SCTR: variants seen among roughly 807,000 people sequenced by gnomAD.
SCTR encodes the protein pancreatic secretin receptor.
SCTR carries 56 observed loss-of-function variants against 60.8 expected under a neutral mutation model. The observed-to-expected ratio is 0.92, with a 90% confidence interval of 0.74 to 1.15. The LOEUF is 1.15. Among genes scored for constraint, SCTR ranks in the 50% most tolerant of loss-of-function variants. SCTR has a pLI of 0.00. For missense variants in SCTR, 562 were observed against 550.4 expected, an observed-to-expected ratio of 1.02 and a Z score of -0.21; for synonymous variants, 202 against 217.0, an observed-to-expected ratio of 0.93 and a Z score of 0.61.
intron 1 of SCTR, among the ~76,000 whole-genome samples, chr2:119,504,177 A>T (rs1378152723): frequency 6.6e-6 from 1 of 152,244 alleles, no homozygotes; most frequent in Non-Finnish European, 1.5e-5. Flanking sequence ...TCTTTTCAAC[A>T]AATGGTGTTG....
rs1263899377 is a variant in SCTR, at chr2:119,464,112, A to G, written c.636+11T>C. ...GGCCTGGCGACATCCTGGGGCACCC[A>G]GACATATTACCCTGTGGGCATCGCA... On this transcript the variant is annotated intron_variant, in intron 6 of 12. Coordinates refer to ENST00000019103, the MANE Select transcript of SCTR (RefSeq NM_002980.3). 1 of 1,614,006 alleles carries G rather than the reference A, an allele frequency of 6.2e-7. No homozygotes were observed. The highest frequency in any genetic ancestry group is 8.5e-7 in the Non-Finnish European group (1 of 1,179,978).
At chr2:119,500,552 T>C (rs960991737) in intron 1 of SCTR, among the ~76,000 whole-genome samples, 3 of 152,162 alleles carry the variant, frequency 2.0e-5, no homozygotes, top group Non-Finnish European at 4.4e-5. Flanking sequence ...TAAAAATCAA[T>C]GAAATCCTGT....
Position 119,473,465 on chromosome 2 carries a change from G to A in SCTR, c.393C>T (p.Ser131=), listed in dbSNP as rs773781559. Residue 131 remains serine, a synonymous_variant, in exon 4 of 13, where the codon TCC becomes TCT. Coordinates refer to ENST00000019103, the MANE Select transcript of SCTR (RefSeq NM_002980.3). ...LACGVNVNDS[S]NEKRHSYLLK... The stretch of plus-strand genomic sequence containing the variant: ...TTGACAGGCTTACCCGCTTCTCGTT[G>A]GAAGAGTCGTTCACATTAACGCCAC... The A allele has an allele frequency of 1.9e-6, 3 of 1,611,838 alleles. No homozygotes were observed. The African/African-American group carries it at 4.0e-5, about 22-fold the overall frequency.
intron 1 of SCTR, among the ~76,000 whole-genome samples, chr2:119,509,020 A>G (rs537727293): frequency 3.9e-5 from 6 of 152,372 alleles, no homozygotes; most frequent in East Asian, 1.9e-4. Context: ...TCAACGCCCT[A>G]TGGGGTTTAT....
chr2:119,503,891 G>A (rs928744505), intron 1 of SCTR, among the ~76,000 whole-genome samples: 9 of 152,132 alleles, frequency 5.9e-5, no homozygotes, highest in African/African-American at 2.2e-4. Flanking sequence ...AGGAGGGATT[G>A]AAGGGGTATA....
chr2:119,489,874 C>T (rs1678046510), intron 2 of SCTR, among the ~76,000 whole-genome samples: 1 of 152,206 alleles, frequency 6.6e-6, no homozygotes, highest in South Asian at 2.1e-4. Context: ...ACATTTTAAA[C>T]ACATGTTATG....
At chr2:119,468,685 T>C (rs541330484) in intron 4 of SCTR, among the ~76,000 whole-genome samples, 97 of 152,364 alleles carry the variant, frequency 6.4e-4, no homozygotes, top group Middle Eastern at 3.4e-3. Context: ...ATTAGCTTTA[T>C]TCTCAGTTAC....
At chr2:119,500,590 A>T (rs1678509530) in intron 1 of SCTR, among the ~76,000 whole-genome samples, 1 of 152,254 alleles carries the variant, frequency 6.6e-6, no homozygotes, top group African/African-American at 2.4e-5. Context: ...TTGGAAATGG[A>T]GGTCATTATG....
chr2:119,497,829 C>A (rs986991327), intron 1 of SCTR, among the ~76,000 whole-genome samples: 16 of 151,986 alleles, frequency 1.1e-4, no homozygotes, highest in African/African-American at 3.9e-4. Flanking sequence ...ACAACCTGAA[C>A]AACAGAGAGA....
intron 1 of SCTR, among the ~76,000 whole-genome samples, chr2:119,522,301 G>GAAAAAA (rs797004076): frequency 1.6e-5 from 2 of 123,748 alleles, no homozygotes; most frequent in Non-Finnish European, 3.5e-5. Flanking sequence ...TGTCTCAAAA[G>GAAAAAA]AAAAAAAAAA....
intron 1 of SCTR, among the ~76,000 whole-genome samples, chr2:119,496,206 G>A (rs1172907362): frequency 6.6e-6 from 1 of 152,212 alleles, no homozygotes; most frequent in East Asian, 1.9e-4. Context: ...TTAGTTCACT[G>A]GTCAGCACAC....
chr2:119,510,286 T>C (rs947593696), intron 1 of SCTR, among the ~76,000 whole-genome samples: 7 of 152,108 alleles, frequency 4.6e-5, no homozygotes, highest in Admixed American at 3.3e-4. Context: ...CAAGCCAAGA[T>C]AATGTGGGGG....
intron 2 of SCTR, among the ~76,000 whole-genome samples, chr2:119,482,717 A>G (rs1677681811): frequency 6.6e-6 from 1 of 152,152 alleles, no homozygotes; most frequent in South Asian, 2.1e-4. Flanking sequence ...TCGGGAACTC[A>G]GCAGGCCTGC....
chr2:119,495,120 CA>C (rs1678295786), intron 1 of SCTR, among the ~76,000 whole-genome samples: 1 of 151,978 alleles, frequency 6.6e-6, no homozygotes, highest in Non-Finnish European at 1.5e-5. Flanking sequence ...TTTACACACA[CA>C]CACACACAAA....
chr2:119,521,294 TCTTC>T (rs890603597), intron 1 of SCTR, among the ~76,000 whole-genome samples: 1 of 152,230 alleles, frequency 6.6e-6, no homozygotes, highest in African/African-American at 2.4e-5. Flanking sequence ...AAGAGGTGAT[TCTTC>T]CTTATTTGTT....
chr2:119,523,983 T>G (rs1248449839), intron 1 of SCTR, among the ~76,000 whole-genome samples, 172 bp downstream of exon 1: 2 of 152,046 alleles, frequency 1.3e-5, no homozygotes. Context: ...AAAGGGTCCC[T>G]CCGGAGAAGA....
chr2:119,486,462 C>T (rs1033980006), intron 2 of SCTR: 11 of 152,214 alleles, frequency 7.2e-5, no homozygotes, highest in African/African-American at 1.2e-4. Flanking sequence ...CTCATCCACC[C>T]GAGAACTCTT....
chr2:119,449,435 T>C (rs1159542988), intron 9 of SCTR, among the ~76,000 whole-genome samples: 1 of 152,214 alleles, frequency 6.6e-6, no homozygotes, highest in Admixed American at 6.5e-5. Context: ...TTGCGAACTA[T>C]GATTGGAAGA....
At chr2:119,441,681 A>G (rs1682662567) in intron 11 of SCTR, 82 bp from the exon 12 acceptor site, 4 of 1,189,778 alleles carry the variant, frequency 3.4e-6, no homozygotes, top group African/African-American at 1.5e-5. Flanking sequence ...CACCCTCCCC[A>G]GGTCTCTTAA....
Sources: gnomAD v4.1 joint callset for allele counts (sites outside exome capture counted in the v4.1 genomes callset) on GRCh38, gnomAD v4.1.1 for gene constraint, MANE v1.5 for transcripts, NCBI Gene and HGNC (gene_info 2026-07-23, HGNC 2026-07-21) for gene names.